The following PCDHA1 variants were observed in gnomAD, a reference collection of about 807,000 sequenced individuals.
The protein encoded by PCDHA1 is protocadherin alpha 1.
PCDHA1 carries 42 observed loss-of-function variants against 61.3 expected under a neutral mutation model. The observed-to-expected ratio is 0.69, with a 90% CI of 0.54 to 0.89. The LOEUF (loss-of-function observed/expected upper bound fraction) is 0.89, where lower values mean the gene tolerates loss of function less well. Among genes scored for constraint, PCDHA1 ranks in the 40% least tolerant of loss-of-function variants. The probability of loss-of-function intolerance (pLI) is 0.00; values close to 1 mark genes in which losing one functional copy is unlikely to be tolerated. For synonymous variants in PCDHA1, 610 were observed against 553.8 expected (o/e 1.10, Z -1.43); for missense variants, 1,256 against 1,235.3 (o/e 1.02, Z -0.25).
At chr5:140,877,599 C>T (rs1325384029) in intron 1 of PCDHA1, 5 of 1,613,882 alleles carry the variant, frequency 3.1e-6, no homozygotes, top group East Asian at 2.2e-5. Context: ...CGGTGTCCAG[C>T]CTGCTGGTGC....
intron 1 of PCDHA1, chr5:140,803,064 C>G (rs1554122562): frequency 1.2e-6 from 2 of 1,613,978 alleles, no homozygotes; most frequent in Middle Eastern, 1.6e-4. Context: ...CATCCCGTTT[C>G]GCGTGGGGCT....
At chr5:140,870,134 A>G (rs2051696193) in intron 1 of PCDHA1, 1 of 1,613,888 alleles carries the variant, frequency 6.2e-7, no homozygotes, top group African/African-American at 1.3e-5. Flanking sequence ...GACACCAACG[A>G]TAACTCTCCT....
At chr5:140,864,648 G>A (rs2048555529) in intron 1 of PCDHA1, 1 of 152,150 alleles carries the variant, frequency 6.6e-6, no homozygotes, top group Non-Finnish European at 1.5e-5. Context: ...AACAATGTCA[G>A]CTCTACTTAA....
Position 140,796,121 on chromosome 5 carries a change from C to T in PCDHA1, c.2394+7437C>T, listed in dbSNP as rs782260247. Reference sequence around the variant, plus strand: ...GACTCTGGTACGAATGGACATGTCACCTGCTCCCTGACGCCCCACGTCCCT... The same window carrying T: ...GACTCTGGTACGAATGGACATGTCATCTGCTCCCTGACGCCCCACGTCCCT... On this transcript the variant is annotated intron_variant, in intron 1 of 3. Coordinates refer to ENST00000504120, the MANE Select transcript of PCDHA1 (RefSeq NM_018900.4). The T allele has an allele frequency of 2.2e-5, 36 of 1,614,098 alleles. No individual in the cohort carries two copies. The highest frequency in any genetic ancestry group is 3.1e-5 in the Non-Finnish European group (36 of 1,180,050).
intron 1 of PCDHA1, among the ~76,000 whole-genome samples, chr5:140,889,267 A>T (rs1376262292): frequency 6.6e-6 from 1 of 151,966 alleles, no homozygotes; most frequent in Non-Finnish European, 1.5e-5. Context: ...AAGTTTGTAT[A>T]ATCTTTGAAT....
At chr5:140,971,895 T>C (rs1554233682) in intron 1 of PCDHA1, among the ~76,000 whole-genome samples, 2 of 151,872 alleles carry the variant, frequency 1.3e-5, no homozygotes, top group Non-Finnish European at 2.9e-5. Context: ...TCAGGGAGGT[T>C]AGGTAATCTA....
chr5:140,832,598 C>T (rs2150202655), intron 1 of PCDHA1, among the ~76,000 whole-genome samples: 1 of 152,134 alleles, frequency 6.6e-6, no homozygotes, highest in African/African-American at 2.4e-5. Flanking sequence ...AGAACTATAG[C>T]GTTGCTAGTG....
chr5:140,987,730 C>CAA (rs2097266231), intron 3 of PCDHA1, among the ~76,000 whole-genome samples: 1 of 152,066 alleles, frequency 6.6e-6, no homozygotes, highest in African/African-American at 2.4e-5. Flanking sequence ...CCTACAGCTT[C>CAA]AAAATTTAGA....
chr5:140,952,121 C>A (rs993598007), intron 1 of PCDHA1, among the ~76,000 whole-genome samples: 1 of 152,102 alleles, frequency 6.6e-6, no homozygotes, highest in Non-Finnish European at 1.5e-5. Context: ...GGGATGGGCT[C>A]CCAAGGCCTT....
chr5:140,844,162 T>C (rs1328391429), intron 1 of PCDHA1, among the ~76,000 whole-genome samples: 8 of 149,794 alleles, frequency 5.3e-5, no homozygotes, highest in Non-Finnish European at 1.0e-4. Context: ...TTTTATTCAC[T>C]TTAAGATCTC....
chr5:140,872,073 T>C (rs2053472746), intron 1 of PCDHA1, among the ~76,000 whole-genome samples: 1 of 152,222 alleles, frequency 6.6e-6, no homozygotes, highest in Admixed American at 6.5e-5. Context: ...TAGCTGGGAA[T>C]GCAGTGCCAC....
intron 1 of PCDHA1, among the ~76,000 whole-genome samples, chr5:140,845,914 T>C (rs1554141062): frequency 1.3e-5 from 2 of 149,758 alleles, no homozygotes; most frequent in African/African-American, 2.4e-5. Context: ...ATATTAATCT[T>C]ATTTTTGTGT....
chr5:140,856,499 T>A, intron 1 of PCDHA1: 1 of 1,598,458 alleles, frequency 6.3e-7, no homozygotes, highest in Non-Finnish European at 8.6e-7. Flanking sequence ...TGACTCTCGA[T>A]TTCCACTAGA....
intron 1 of PCDHA1, chr5:140,802,005 G>C (rs1301585258): frequency 6.8e-6 from 11 of 1,614,080 alleles, no homozygotes; most frequent in Non-Finnish European, 9.3e-6. Flanking sequence ...CACCGATTTG[G>C]ATGAAGGAGT....
intron 1 of PCDHA1, chr5:140,875,832 C>A: frequency 1.2e-6 from 2 of 1,614,086 alleles, no homozygotes; most frequent in South Asian, 1.1e-5. Flanking sequence ...TCCATGTGGA[C>A]GTGGAGGTGA....
intron 1 of PCDHA1, chr5:140,870,228 C>T: frequency 6.2e-7 from 1 of 1,614,186 alleles, no homozygotes; most frequent in South Asian, 1.1e-5. Context: ...GCGTGTCTGA[C>T]CGTGACTCAG....
At chr5:140,862,809 G>A in intron 1 of PCDHA1, 1 of 572,722 alleles carries the variant, frequency 1.7e-6, no homozygotes, top group Non-Finnish European at 3.4e-6. Context: ...AGCTGCTGCA[G>A]TTCTAGGTGA....
intron 2 of PCDHA1, among the ~76,000 whole-genome samples, chr5:140,980,920 A>T (rs1040099192): frequency 1.3e-5 from 2 of 152,166 alleles, no homozygotes; most frequent in African/African-American, 4.8e-5. Context: ...TCTTTAAAAA[A>T]TTCTGCTTTG....
intron 1 of PCDHA1, chr5:140,823,761 C>T (rs2150066668): frequency 6.2e-7 from 1 of 1,613,892 alleles, no homozygotes. Flanking sequence ...CAGCCACAGC[C>T]ACAGTGCTGG....
Sources: allele counts gnomAD v4.1 joint callset (sites outside exome capture counted in the v4.1 genomes callset), GRCh38; gene constraint gnomAD v4.1.1; transcripts MANE v1.5; gene names NCBI Gene and HGNC (gene_info 2026-07-23, HGNC 2026-07-21).